The following ANKH variants were observed in gnomAD, a reference collection of about 807,000 sequenced individuals.
The protein encoded by ANKH is ANKH inorganic pyrophosphate transport regulator.
In ANKH, 15 loss-of-function variants were observed where a neutral mutation model predicts 49.0. That is an observed-to-expected ratio of 0.31 (90% CI 0.20 to 0.47). ANKH has a LOEUF of 0.47. ANKH is among the 20% of genes least tolerant of loss of function. The pLI is 1.00. For synonymous variants in ANKH, 273 were observed against 260.0 expected (o/e 1.05, Z -0.48); for missense variants, 429 against 652.0 (o/e 0.66, Z 3.72).
intron 1 of ANKH, among the ~76,000 whole-genome samples, chr5:14,791,167 CTGA>C (rs1326288759): frequency 2.0e-5 from 3 of 152,174 alleles, no homozygotes; most frequent in African/African-American, 7.2e-5. Context: ...GACCATCAGG[CTGA>C]TATCTGAGTT....
At chr5:14,776,053 C>T (rs1459777546) in intron 1 of ANKH, among the ~76,000 whole-genome samples, 1 of 152,148 alleles carries the variant, frequency 6.6e-6, no homozygotes, top group African/African-American at 2.4e-5. Flanking sequence ...TGGCTTGGGT[C>T]CCAACGCCTG....
chr5:14,831,318 G>A (rs146299546), intron 1 of ANKH, among the ~76,000 whole-genome samples: 2 of 152,288 alleles, frequency 1.3e-5, no homozygotes, highest in East Asian at 3.9e-4. Context: ...CTACTTAGGT[G>A]AAAAACTGCC....
At position 14,713,013 on chromosome 5, in the gene ANKH, C is replaced by T. The variant is rs1737295201; in HGVS notation, c.1266-40G>A. The T allele has an allele frequency of 1.3e-6, 2 of 1,575,412 alleles. No individual in the cohort carries two copies. Among genetic ancestry groups the T allele is most frequent in the South Asian group, 2.3e-5 (2 of 87,550 alleles). On this transcript the variant is annotated intron_variant, in intron 10 of 11. Transcript: ENST00000284268. The surrounding 1 kb of genome is among the most constrained non-coding windows in gnomAD (Gnocchi z 4.4). ...ACAAAGGCAATTTGTCTGTTAAGGCCAAGTCAAGGCACAACCGTCGATGCC... is the reference window on the plus strand; with the variant it reads ...ACAAAGGCAATTTGTCTGTTAAGGCTAAGTCAAGGCACAACCGTCGATGCC...
At chr5:14,831,924 C>G (rs1024510119) in intron 1 of ANKH, among the ~76,000 whole-genome samples, 1 of 152,082 alleles carries the variant, frequency 6.6e-6, no homozygotes, top group Non-Finnish European at 1.5e-5. Context: ...CTTTCAGGAA[C>G]AAAGACTAAT....
intron 1 of ANKH, among the ~76,000 whole-genome samples, chr5:14,769,599 GTTC>G (rs774799541): frequency 1.4e-4 from 21 of 149,286 alleles, no homozygotes; most frequent in Non-Finnish European, 2.8e-4. Flanking sequence ...AAGGGGATGG[GTTC>G]TTTTTTCTTT....
intron 1 of ANKH, among the ~76,000 whole-genome samples, chr5:14,794,087 G>A (rs768065117): frequency 6.6e-5 from 10 of 152,224 alleles, no homozygotes; most frequent in Non-Finnish European, 1.2e-4. Context: ...CTCGTAGGAC[G>A]TAGACAGAGT....
At chr5:14,803,705 G>A (rs1035874746) in intron 1 of ANKH, among the ~76,000 whole-genome samples, 52 of 152,070 alleles carry the variant, frequency 3.4e-4, no homozygotes, top group African/African-American at 1.1e-3. Context: ...TGATCTTGGC[G>A]ATATGCAGAT....
intron 1 of ANKH, among the ~76,000 whole-genome samples, chr5:14,841,171 AC>A (rs1202783935): frequency 6.6e-6 from 1 of 152,236 alleles, no homozygotes; most frequent in Non-Finnish European, 1.5e-5. Flanking sequence ...TATTTAAAAA[AC>A]AAAAGAAAAA....
At chr5:14,735,510 G>A (rs1738146216) in intron 8 of ANKH, among the ~76,000 whole-genome samples, 1 of 152,154 alleles carries the variant, frequency 6.6e-6, no homozygotes, top group Non-Finnish European at 1.5e-5. Context: ...TAGCTTGCCA[G>A]GCACCCAAAA....
chr5:14,741,807 G>C lies in ANKH; in HGVS notation c.1011+20C>G. 2 of 1,597,046 alleles carry C rather than the reference G, an allele frequency of 1.3e-6. No homozygotes were observed. Among genetic ancestry groups the C allele is most frequent in the Non-Finnish European group, 1.7e-6 (2 of 1,164,534 alleles). ...AAAAACCAAACAGAGAGAAGAGGCAGAGAGAGCCTCTGTCCTTACCGTGAG... is the reference window on the plus strand; with the variant it reads ...AAAAACCAAACAGAGAGAAGAGGCACAGAGAGCCTCTGTCCTTACCGTGAG... On this transcript the variant is annotated intron_variant, in intron 8 of 11. Coordinates refer to ENST00000284268, the MANE Select transcript of ANKH (RefSeq NM_054027.6).
chr5:14,864,875 A>G (rs535416033), intron 1 of ANKH, among the ~76,000 whole-genome samples: 3 of 152,258 alleles, frequency 2.0e-5, no homozygotes, highest in Admixed American at 1.3e-4. Flanking sequence ...ACCATTTTTT[A>G]TATGTGTGTA....
intron 1 of ANKH, among the ~76,000 whole-genome samples, chr5:14,794,690 A>G (rs1740315711): frequency 6.6e-6 from 1 of 152,252 alleles, no homozygotes; most frequent in South Asian, 2.1e-4. Context: ...GACAAACTTC[A>G]GAAGCAGATG....
intron 8 of ANKH, among the ~76,000 whole-genome samples, chr5:14,721,892 T>A (rs375341664): frequency 8.1e-6 from 1 of 123,188 alleles, no homozygotes; most frequent in East Asian, 2.6e-4. Flanking sequence ...ATCATGCCAC[T>A]GCACTCCAGC....
chr5:14,793,296 T>C (rs1362624133), intron 1 of ANKH, among the ~76,000 whole-genome samples: 1 of 151,320 alleles, frequency 6.6e-6, no homozygotes, highest in Non-Finnish European at 1.5e-5. Flanking sequence ...AGAGACACTC[T>C]GGGCTGCTGA....
intron 1 of ANKH, among the ~76,000 whole-genome samples, chr5:14,782,667 G>A (rs1054026583): frequency 3.9e-5 from 6 of 152,106 alleles, no homozygotes; most frequent in East Asian, 1.9e-4. Context: ...GCATTACGGC[G>A]CAGATGTAAA....
chr5:14,768,713 T>C (rs1343394674), intron 2 of ANKH: 1 of 553,238 alleles, frequency 1.8e-6, no homozygotes, highest in Non-Finnish European at 3.2e-6. Context: ...CCAAATGTTA[T>C]TCCTAGATGT....
At chr5:14,868,641 C>G (rs1353073240) in intron 1 of ANKH, 1 of 151,506 alleles carries the variant, frequency 6.6e-6, no homozygotes, top group African/African-American at 2.4e-5. Context: ...AACTCCTGAC[C>G]TCAAGTGATC....
At position 14,770,468 on chromosome 5, in the gene ANKH, T is replaced by C. The variant is rs1739398255; in HGVS notation, c.97-1277A>G. Among the ~76,000 whole-genome samples the C allele has an allele frequency of 6.6e-6, 1 of 152,192 alleles. No homozygotes were observed. Among genetic ancestry groups the C allele is most frequent in the Non-Finnish European group, 1.5e-5 (1 of 68,040 alleles). ...TATACATACCTATGAGAAAGTTTAA[T>C]TTATAAATTAGGCACAGTAAGAGAT... On this transcript the variant is annotated intron_variant, in intron 1 of 11. Transcript: ENST00000284268. This position sits in a 1 kb window ranked among gnomAD's most constrained non-coding sequence, Gnocchi z 4.1.
intron 2 of ANKH, among the ~76,000 whole-genome samples, chr5:14,762,516 G>A (rs1286672714): frequency 3.9e-5 from 6 of 152,086 alleles, no homozygotes; most frequent in East Asian, 1.9e-4. Context: ...CAGCTACTCC[G>A]GGAGATATTT....
Sources: gnomAD v4.1 joint callset for allele counts (sites outside exome capture counted in the v4.1 genomes callset) on GRCh38, gnomAD v4.1.1 for gene constraint, Gnocchi (gnomAD v3.1) non-coding constraint, MANE v1.5 for transcripts, NCBI Gene and HGNC (gene_info 2026-07-23, HGNC 2026-07-21) for gene names.